Variants in GFRA1 observed in about 807,000 individuals in gnomAD.
GFRA1 encodes the protein GDNF family receptor alpha-1.
In GFRA1, 16 loss-of-function variants were observed where a neutral mutation model predicts 51.6. The observed-to-expected ratio is 0.31, with a 90% CI of 0.21 to 0.47. The LOEUF (loss-of-function observed/expected upper bound fraction) is 0.47. Ranked by LOEUF, GFRA1 falls within the 20% of genes least tolerant of loss-of-function variation. The probability of loss-of-function intolerance (pLI) is 1.00; values close to 1 mark genes in which losing one functional copy is unlikely to be tolerated. For synonymous variants in GFRA1, 270 were observed against 241.3 expected, an observed-to-expected ratio of 1.12 and a Z score of -1.10; for missense variants, 530 against 594.3, an observed-to-expected ratio of 0.89 and a Z score of 1.13.
intron 4 of GFRA1, among the ~76,000 whole-genome samples, chr10:116,254,457 A>C (rs1968662263): frequency 6.6e-6 from 1 of 152,048 alleles, no homozygotes; most frequent in African/African-American, 2.4e-5. Flanking sequence ...GGATTGCTTG[A>C]AACAGAAGTT....
chr10:116,272,026 A>T lies in GFRA1; in HGVS notation c.4T>A (p.Phe2Ile), dbSNP rs1245415462. 4.5e-6 allele frequency: 7 copies of T among 1,557,022 alleles called. No individual in the cohort carries two copies. The highest frequency in any genetic ancestry group is 6.1e-6 in the Non-Finnish European group (7 of 1,151,370). ...AGCGCGAAGTACAGGGTCGCCAGGA[A>T]CATGGTGCCGGCGCGGGGCTGGTCC... M[F>I]LATLYFALPL... The change falls in exon 2 of 11, where the codon TTC becomes ATC. Residue 2 changes from phenylalanine (F) to isoleucine (I), a missense_variant. Coordinates refer to ENST00000355422, the MANE Select transcript of GFRA1 (RefSeq NM_005264.8). The surrounding 1 kb of genome is among the most constrained non-coding windows in gnomAD (Gnocchi z 4.4).
chr10:116,131,036 G>C (rs971070501), intron 5 of GFRA1, among the ~76,000 whole-genome samples: 1 of 152,032 alleles, frequency 6.6e-6, no homozygotes, highest in Non-Finnish European at 1.5e-5. Flanking sequence ...ACAAAGGACT[G>C]GTATCTAAAA....
chr10:116,067,481 G>A (rs11598215), intron 9 of GFRA1, among the ~76,000 whole-genome samples: 40,078 of 152,046 alleles, frequency 0.26, 6,572 homozygotes, highest in African/African-American at 0.46. Context: ...GCCAAGTTGC[G>A]CCTGAGTGTC....
At chr10:116,268,535 A>G (rs901950516) in intron 4 of GFRA1, among the ~76,000 whole-genome samples, 1 of 152,232 alleles carries the variant, frequency 6.6e-6, no homozygotes, top group Non-Finnish European at 1.5e-5. Flanking sequence ...ACACCCAAAT[A>G]AAATATCAGT....
At chr10:116,236,298 C>G (rs1966875438) in intron 4 of GFRA1, among the ~76,000 whole-genome samples, 1 of 152,080 alleles carries the variant, frequency 6.6e-6, no homozygotes, top group African/African-American at 2.4e-5. Flanking sequence ...CTGCCTCTGC[C>G]AGGAACCACA....
intron 8 of GFRA1, among the ~76,000 whole-genome samples, chr10:116,092,232 G>T (rs541046027): frequency 5.3e-5 from 8 of 152,140 alleles, no homozygotes; most frequent in African/African-American, 1.7e-4. Context: ...CACTACTTTT[G>T]TGGGTGTGAA....
intron 4 of GFRA1, among the ~76,000 whole-genome samples, chr10:116,266,553 C>T (rs1969671971): frequency 6.6e-6 from 1 of 152,246 alleles, no homozygotes; most frequent in South Asian, 2.1e-4. Context: ...GTGCTGGAAC[C>T]TAAAGCCAAT....
Position 116,125,576 on chromosome 10 carries a change from A to C in GFRA1, c.434-19T>G, listed in dbSNP as rs1181548671. 6.3e-7 allele frequency: 1 copy of C among 1,592,866 alleles called. No homozygotes were observed. Among genetic ancestry groups the C allele is most frequent in the South Asian group, 1.1e-5 (1 of 89,534 alleles). ...TGCTCCACTGCAAATGCAGAGAAAG[A>C]CAGGCATGGTCACAGTGCTCGGCTC... On this transcript the variant is annotated intron_variant, in intron 5 of 10. Transcript: ENST00000355422.
At chr10:116,178,360 T>G (rs569585201) in intron 5 of GFRA1, among the ~76,000 whole-genome samples, 4 of 152,202 alleles carry the variant, frequency 2.6e-5, no homozygotes, top group African/African-American at 9.6e-5. Flanking sequence ...TGTCTTGTAC[T>G]GTTCATTAAC....
At chr10:116,097,657 G>A (rs141523930) in intron 6 of GFRA1, among the ~76,000 whole-genome samples, 47 of 152,266 alleles carry the variant, frequency 3.1e-4, no homozygotes, top group African/African-American at 1.0e-3. Flanking sequence ...AGGTCATCTC[G>A]GCAGACAACT....
intron 9 of GFRA1, among the ~76,000 whole-genome samples, chr10:116,088,594 G>A (rs928843800): frequency 3.3e-5 from 5 of 152,074 alleles, no homozygotes; most frequent in Admixed American, 6.5e-5. Flanking sequence ...TCTCCTGCAG[G>A]CATCAGGAGG....
In GFRA1 at chr10:116,125,388, GT is replaced by G; in HGVS notation, c.602del (p.Asp201AlafsTer44). The G allele has an allele frequency of 6.2e-7, 1 of 1,614,264 alleles. No individual in the cohort carries two copies. The highest frequency in any genetic ancestry group is 8.5e-7 in the Non-Finnish European group (1 of 1,180,048). ...KCHKALRQFFDKVPAKHSYGM... is the reference protein window; with the variant it reads ...KCHKALRQFFXKVPAKHSYGM... ...CGTAGCTGTGCTTGGCCGGGACCTT[GT>G]CAAAGAACTGCCGGAGGGCCTTGTG... On this transcript the variant is annotated frameshift_variant, in exon 6 of 11. Transcript: ENST00000355422. LOFTEE classifies it high-confidence loss of function.
At position 116,060,624 on chromosome 10, in the gene GFRA1, C is replaced by T. The variant is rs1235343693; in HGVS notation, c.*3774G>A. On this transcript the variant is annotated 3_prime_UTR_variant, in exon 11 of 11. Transcript: ENST00000355422. ...CTGCCTGTTGTCATTGCTTTTAGGT[C>T]GTTCTTGAAAAGATGGGTGTCACAT... The T allele has an allele frequency of 6.6e-6, 1 of 152,088 alleles. No homozygotes were observed. Among genetic ancestry groups the T allele is most frequent in the African/African-American group, 2.4e-5 (1 of 41,416 alleles). 9.4% of individuals were successfully genotyped at this position (152,088 alleles called of 1,614,324 possible).
At position 116,065,626 on chromosome 10, in the gene GFRA1, C is replaced by A; in HGVS notation, c.1198G>T (p.Ala400Ser). ...HVLPPCANLQ[A>S]QKLKSNVSGN... ...GACACATTGGATTTCAGCTTCTGTGCCTGGAGAGGGACAAGAAAAAAAATG... is the reference window on the plus strand; with the variant it reads ...GACACATTGGATTTCAGCTTCTGTGACTGGAGAGGGACAAGAAAAAAAATG... Residue 400 changes from alanine to serine, a missense_variant and splice_region_variant, in exon 10 of 11, where the codon GCA becomes TCA. Ala to Ser is a moderately conservative substitution (Grantham distance 99). Transcript: ENST00000355422. 6.2e-7 allele frequency: 1 copy of A among 1,612,390 alleles called. No homozygotes were observed.
chr10:116,185,393 G>C (rs1962608475), intron 5 of GFRA1, among the ~76,000 whole-genome samples: 2 of 152,090 alleles, frequency 1.3e-5, no homozygotes, highest in South Asian at 4.2e-4. Flanking sequence ...TGCTACATAA[G>C]ACAGCACCCC....
intron 6 of GFRA1, among the ~76,000 whole-genome samples, chr10:116,109,506 C>A (rs762639081): frequency 6.6e-6 from 1 of 152,208 alleles, no homozygotes; most frequent in African/African-American, 2.4e-5. Context: ...TGCAGTCCTG[C>A]GACACAGCTA....
At chr10:116,099,330 T>C (rs1956727119) in intron 6 of GFRA1, among the ~76,000 whole-genome samples, 2 of 152,164 alleles carry the variant, frequency 1.3e-5, no homozygotes, top group African/African-American at 4.8e-5. Context: ...GGAGCACTGG[T>C]TGTTAAATAT....
At chr10:116,070,759 C>CTTTTTT (rs773344299) in intron 9 of GFRA1, among the ~76,000 whole-genome samples, 13 of 97,646 alleles carry the variant, frequency 1.3e-4, no homozygotes, top group Admixed American at 2.0e-4. Flanking sequence ...AGTCTGGAGC[C>CTTTTTT]TTTTTTTTTT....
intron 4 of GFRA1, among the ~76,000 whole-genome samples, chr10:116,230,714 A>G (rs1002656701): frequency 2.3e-3 from 89 of 38,100 alleles, no homozygotes; most frequent in Admixed American, 4.0e-3. Flanking sequence ...ACATGTGGAC[A>G]GACACACACA....
Sources: gnomAD v4.1 joint callset for allele counts (sites outside exome capture counted in the v4.1 genomes callset) on GRCh38, gnomAD v4.1.1 for gene constraint, Gnocchi (gnomAD v3.1) non-coding constraint, MANE v1.5 for transcripts, NCBI Gene and HGNC (gene_info 2026-07-23, HGNC 2026-07-21) for gene names.